The following DLC1 variants were observed in gnomAD, a reference collection of about 807,000 sequenced individuals.
The protein encoded by DLC1 is rho GTPase-activating protein 7.
In DLC1, 54 loss-of-function variants were observed where a neutral mutation model predicts 140.3. That is an observed-to-expected ratio of 0.38 (90% CI 0.31 to 0.48). The LOEUF (loss-of-function observed/expected upper bound fraction) is 0.48. Ranked by LOEUF, DLC1 falls within the 20% of genes least tolerant of loss-of-function variation. The pLI is 0.96. For missense variants in DLC1, 2,536 were observed against 1,907.0 expected, an observed-to-expected ratio of 1.33 and a Z score of -6.14; for synonymous variants, 986 against 728.1, an observed-to-expected ratio of 1.35 and a Z score of -5.70.
chr8:13,147,675 T>A (rs118173614), intron 5 of DLC1, among the ~76,000 whole-genome samples: 4,242 of 152,144 alleles, frequency 0.028, 78 homozygotes, highest in Non-Finnish European at 0.037. Context: ...TATTATTATT[T>A]TTTTTTTGGC....
rs114253641 is a variant in DLC1, at chr8:13,229,498, T to A, written c.1348+75771A>T. Among the ~76,000 whole-genome samples the A allele has an allele frequency of 6.4e-3, 979 of 152,216 alleles. 7 individuals are homozygous for A. Among genetic ancestry groups the A allele is most frequent in the African/African-American group, 0.022 (924 of 41,536 alleles). On this transcript the variant is annotated intron_variant, in intron 5 of 17. Transcript: ENST00000276297. ...GGTATATGGTTTCTTTTTAAGGTGATGAAAATGTCCTAAAATTACACAACT... is the reference window on the plus strand; with the variant it reads ...GGTATATGGTTTCTTTTTAAGGTGAAGAAAATGTCCTAAAATTACACAACT...
chr8:13,157,026 G>A (rs1824306146), intron 5 of DLC1, among the ~76,000 whole-genome samples: 1 of 152,116 alleles, frequency 6.6e-6, no homozygotes, highest in African/African-American at 2.4e-5. Flanking sequence ...TTGTGCTGAT[G>A]GTGTTCACGC....
chr8:13,314,390 A>G (rs1832788030), intron 4 of DLC1, among the ~76,000 whole-genome samples: 1 of 150,798 alleles, frequency 6.6e-6, no homozygotes, highest in African/African-American at 2.4e-5. Context: ...GAGGTAACAT[A>G]TTGGTTTACA....
intron 4 of DLC1, among the ~76,000 whole-genome samples, chr8:13,377,359 T>A (rs1201320542): frequency 2.0e-5 from 3 of 152,320 alleles, no homozygotes; most frequent in Middle Eastern, 3.4e-3. Flanking sequence ...AATCTAAAGA[T>A]GGTCACAAAT....
chr8:13,406,377 T>C (rs1014782512), intron 2 of DLC1, among the ~76,000 whole-genome samples: 2 of 152,082 alleles, frequency 1.3e-5, no homozygotes, highest in African/African-American at 4.8e-5. Flanking sequence ...TTGACCACTA[T>C]GTGCTGTACA....
rs1391213853 is a variant in DLC1 at position 13,397,276 on chromosome 8, GAGAATTGAGT to G, written c.1174-3593_1174-3584del. ...GAGAATATTCAAAGCCAGATAAAGG[GAGAATTGAGT>G]CTAGAATCTAGATATAAGATTTCAG... is the stretch of plus-strand genomic sequence containing the variant. On this transcript the variant is annotated intron_variant, in intron 3 of 17. Transcript: ENST00000276297. 6.6e-5 allele frequency among the ~76,000 whole-genome samples: 10 copies of G among 152,250 alleles called. No individual in the cohort carries two copies. In the East Asian group the frequency reaches 1.5e-3, roughly 24 times the overall value.
chr8:13,086,132 A>G, intron 17 of DLC1, 158 bp downstream of exon 17: 1 of 1,327,866 alleles, frequency 7.5e-7, no homozygotes, highest in Non-Finnish European at 1.0e-6. Flanking sequence ...GGTCGCTGAA[A>G]GACCAACAAA....
intron 4 of DLC1, among the ~76,000 whole-genome samples, chr8:13,327,048 A>G (rs976566441): frequency 1.5e-4 from 22 of 150,086 alleles, no homozygotes; most frequent in Admixed American, 9.3e-4. Flanking sequence ...TCCGCCTCCC[A>G]GGTTCATGCC....
At chr8:13,362,998 T>A (rs1211706787) in intron 4 of DLC1, among the ~76,000 whole-genome samples, 1 of 152,200 alleles carries the variant, frequency 6.6e-6, no homozygotes, top group Non-Finnish European at 1.5e-5. Context: ...ATGCGTGCAT[T>A]CATTTATTCA....
At chr8:13,435,471 A>G (rs1216323700) in intron 2 of DLC1, among the ~76,000 whole-genome samples, 1 of 151,968 alleles carries the variant, frequency 6.6e-6, no homozygotes, top group East Asian at 1.9e-4. Context: ...GCGCCTCCAC[A>G]CCTGACTAAT....
rs369675500 is a variant in DLC1 at position 13,404,740 on chromosome 8, A to G, written c.1024-3121T>C. Among the ~76,000 whole-genome samples the G allele has an allele frequency of 1.6e-4, 24 of 152,136 alleles. 4 individuals are homozygous for G. Among genetic ancestry groups the G allele is most frequent in the African/African-American group, 5.5e-4 (23 of 41,520 alleles). On this transcript the variant is annotated intron_variant, in intron 2 of 17. Transcript: ENST00000276297. ...GGGCCAGGCATGGTGGCTCACGCCTATAATCCTAGCATTTTGGGAGGCAGA... is the reference window on the plus strand; with the variant it reads ...GGGCCAGGCATGGTGGCTCACGCCTGTAATCCTAGCATTTTGGGAGGCAGA...
intron 4 of DLC1, among the ~76,000 whole-genome samples, chr8:13,308,980 A>AGTAGG (rs1337629191): frequency 6.6e-6 from 1 of 152,198 alleles, no homozygotes; most frequent in Non-Finnish European, 1.5e-5. Flanking sequence ...TATGGTACAG[A>AGTAGG]GTAGGTGTTC....
chr8:13,434,963 A>T (rs1008775949), intron 2 of DLC1, among the ~76,000 whole-genome samples: 1 of 150,542 alleles, frequency 6.6e-6, no homozygotes, highest in East Asian at 2.0e-4. Flanking sequence ...TACAGGCGTG[A>T]CCCCCCCCGG....
At chr8:13,475,447 T>G (rs1475958459) in intron 2 of DLC1, among the ~76,000 whole-genome samples, 1 of 152,206 alleles carries the variant, frequency 6.6e-6, no homozygotes, top group African/African-American at 2.4e-5. Flanking sequence ...GTGGTTAAAA[T>G]AATAAATTTC....
intron 1 of DLC1, among the ~76,000 whole-genome samples, chr8:13,535,666 C>T (rs1278594243): frequency 6.8e-5 from 1 of 14,648 alleles, no homozygotes; most frequent in Admixed American, 1.0e-3. Context: ...GATCATTGCT[C>T]ATTAAAAAAA....
chr8:13,311,891 A>G (rs925857008), intron 4 of DLC1, among the ~76,000 whole-genome samples: 3 of 152,148 alleles, frequency 2.0e-5, no homozygotes, highest in African/African-American at 7.2e-5. Flanking sequence ...ACTGACATTT[A>G]ATGTATTTAA....
chr8:13,166,768 A>G (rs1266529720), intron 5 of DLC1, among the ~76,000 whole-genome samples: 1 of 152,182 alleles, frequency 6.6e-6, no homozygotes, highest in African/African-American at 2.4e-5. Context: ...TGGCTATTTG[A>G]AATCGTTTAA....
intron 16 of DLC1, among the ~76,000 whole-genome samples, chr8:13,087,456 T>C (rs1299885319): frequency 6.6e-6 from 1 of 152,182 alleles, no homozygotes; most frequent in Non-Finnish European, 1.5e-5. Context: ...ATCTTGAACT[T>C]CCCAGCCTTT....
intron 5 of DLC1, among the ~76,000 whole-genome samples, chr8:13,258,909 G>A (rs530886828): frequency 2.0e-5 from 3 of 152,068 alleles, no homozygotes; most frequent in East Asian, 1.9e-4. Context: ...AGGCCGAGGC[G>A]GGTGGATCAC....
Sources: gnomAD v4.1 joint callset for allele counts (sites outside exome capture counted in the v4.1 genomes callset) on GRCh38, gnomAD v4.1.1 for gene constraint, MANE v1.5 for transcripts, NCBI Gene and HGNC (gene_info 2026-07-23, HGNC 2026-07-21) for gene names.